Variants in GALNT13 observed in about 807,000 individuals in gnomAD.
GALNT13 encodes the protein UDP-GalNAc:polypeptide N-acetylgalactosaminyltransferase 13.
Under a neutral mutation model 64.2 loss-of-function variants are expected in GALNT13, and 28 were observed. The ratio of observed to expected loss-of-function variants is 0.44; its 90% confidence interval spans 0.32 to 0.60. GALNT13 has a LOEUF of 0.60. Ranked by LOEUF, GALNT13 falls within the 20% of genes least tolerant of loss-of-function variation. GALNT13 has a pLI of 0.05. For missense variants in GALNT13, 577 were observed against 669.8 expected (o/e 0.86, Z 1.53); for synonymous variants, 214 against 224.6 (o/e 0.95, Z 0.42).
chr2:153,267,962 C>T, the GALNT13 span, among the ~76,000 whole-genome samples: 1 of 152,160 alleles, frequency 6.6e-6, no homozygotes, highest in Admixed American at 6.5e-5. Flanking sequence ...CCATCCTTGA[C>T]ATGTGGGGAT....
At chr2:153,606,727 G>C in the GALNT13 span, among the ~76,000 whole-genome samples, 1 of 151,984 alleles carries the variant, frequency 6.6e-6, no homozygotes, top group Non-Finnish European at 1.5e-5. Flanking sequence ...ATATGGCCCA[G>C]AGTGAAGCCT....
At chr2:153,306,304 C>A in the GALNT13 span, among the ~76,000 whole-genome samples, 1 of 152,114 alleles carries the variant, frequency 6.6e-6, no homozygotes, top group African/African-American at 2.4e-5. Context: ...AAAAGGTGAA[C>A]TAACTTCAGC....
intron 9 of GALNT13, among the ~76,000 whole-genome samples, chr2:154,350,963 A>T (rs1172199802): frequency 2.6e-4 from 39 of 152,170 alleles, no homozygotes. Context: ...GAGAACAGTA[A>T]ACAGTTTGAT....
the GALNT13 span, among the ~76,000 whole-genome samples, chr2:153,808,616 A>T: frequency 2.2e-4 from 33 of 152,236 alleles, no homozygotes; most frequent in African/African-American, 7.7e-4. Flanking sequence ...CTTCTCAGAA[A>T]ATCTCATATA....
the GALNT13 span, among the ~76,000 whole-genome samples, chr2:153,428,308 G>T: frequency 6.6e-6 from 1 of 152,126 alleles, no homozygotes; most frequent in South Asian, 2.1e-4. Context: ...CATCACAGAA[G>T]GCAAAGGGGG....
chr2:153,382,086 T>A, the GALNT13 span, among the ~76,000 whole-genome samples: 432 of 152,236 alleles, frequency 2.8e-3, 18 homozygotes, highest in East Asian at 0.076. Context: ...CATCTTGAGG[T>A]GATTCTCAGC....
chr2:153,846,475 TAAAAG>T, the GALNT13 span, among the ~76,000 whole-genome samples: 2 of 152,094 alleles, frequency 1.3e-5, no homozygotes, highest in East Asian at 3.9e-4. Flanking sequence ...TTGGTTCAAT[TAAAAG>T]AAAAGGCGAA....
intron 3 of GALNT13, among the ~76,000 whole-genome samples, chr2:154,118,160 T>C (rs1351520625): frequency 6.6e-6 from 1 of 152,172 alleles, no homozygotes; most frequent in African/African-American, 2.4e-5. Context: ...TTTTCAGTTC[T>C]TTTAATGTTT....
intron 4 of GALNT13, among the ~76,000 whole-genome samples, chr2:154,175,930 G>T (rs1685621775): frequency 6.6e-6 from 1 of 151,960 alleles, no homozygotes; most frequent in African/African-American, 2.4e-5. Flanking sequence ...TAAAGTAAAT[G>T]TTATTTCTTA....
At chr2:154,193,918 A>T (rs938463612) in intron 4 of GALNT13, among the ~76,000 whole-genome samples, 6 of 152,222 alleles carry the variant, frequency 3.9e-5, no homozygotes, top group African/African-American at 1.4e-4. Flanking sequence ...GTTGAGGGCA[A>T]GATGTGTTAA....
At chr2:154,045,927 T>TAA (rs913342314) in intron 3 of GALNT13, among the ~76,000 whole-genome samples, 2 of 152,018 alleles carry the variant, frequency 1.3e-5, no homozygotes, top group Non-Finnish European at 2.9e-5. Context: ...CTCTGTCTAG[T>TAA]AAGTCTTTTT....
intron 4 of GALNT13, among the ~76,000 whole-genome samples, chr2:154,225,160 T>TGATAGATGATAGATAGATAGATA (rs1553499133): frequency 3.0e-4 from 41 of 138,006 alleles, no homozygotes; most frequent in African/African-American, 9.6e-4. Context: ...GATAGATAGA[T>TGATAGATGATAGATAGATAGATA]GATAGATAGA....
rs372847807 is a variant in GALNT13 at position 153,955,514 on chromosome 2, G to T, written c.142+10875G>T. ...ATAGGAGCAGAATCAGTCATAAAAG[G>T]GTTTCTAGATTTTAAGTTGAACATC... is the stretch of plus-strand genomic sequence containing the variant. On this transcript the variant is annotated intron_variant, in intron 3 of 12. Transcript: ENST00000392825. 2.0e-5 allele frequency among the ~76,000 whole-genome samples: 3 copies of T among 151,918 alleles called. No individual in the cohort carries two copies. In the East Asian group the frequency reaches 5.8e-4, roughly 29 times the overall value.
the GALNT13 span, among the ~76,000 whole-genome samples, chr2:153,239,535 A>C: frequency 6.6e-6 from 1 of 152,150 alleles, no homozygotes; most frequent in East Asian, 1.9e-4. Flanking sequence ...TGTTTTTAAC[A>C]TGAAGGGATG....
At chr2:153,568,390 G>C in the GALNT13 span, among the ~76,000 whole-genome samples, 1 of 152,012 alleles carries the variant, frequency 6.6e-6, no homozygotes, top group African/African-American at 2.4e-5. Flanking sequence ...GCACAAAGCT[G>C]CTATTCTGTA....
At chr2:153,929,002 G>T (rs922605387) in intron 2 of GALNT13, among the ~76,000 whole-genome samples, 2 of 152,050 alleles carry the variant, frequency 1.3e-5, no homozygotes, top group African/African-American at 4.8e-5. Flanking sequence ...AACATTTGTA[G>T]TTATGTATAA....
chr2:153,683,579 G>A, the GALNT13 span, among the ~76,000 whole-genome samples: 2 of 151,648 alleles, frequency 1.3e-5, no homozygotes, highest in African/African-American at 4.8e-5. Context: ...TGATTCTTAA[G>A]TGTTAGATAT....
the GALNT13 span, among the ~76,000 whole-genome samples, chr2:153,431,748 A>T: frequency 5.9e-5 from 9 of 152,200 alleles, no homozygotes; most frequent in Non-Finnish European, 1.0e-4. Context: ...TGTGAAAGGG[A>T]TCACCCATTT....
the GALNT13 span, among the ~76,000 whole-genome samples, chr2:153,412,486 C>G: frequency 1.3e-5 from 2 of 152,156 alleles, no homozygotes; most frequent in Non-Finnish European, 2.9e-5. Context: ...CAGCTCATCT[C>G]AAAATAGATG....
Sources: gnomAD v4.1 joint callset for allele counts (sites outside exome capture counted in the v4.1 genomes callset) on GRCh38, gnomAD v4.1.1 for gene constraint, MANE v1.5 for transcripts, NCBI Gene and HGNC (gene_info 2026-07-23, HGNC 2026-07-21) for gene names.